The following MME variants were observed in gnomAD, a reference collection of about 807,000 sequenced individuals.
The protein encoded by MME is neprilysin.
MME carries 98 observed loss-of-function variants against 113.2 expected under a neutral mutation model. That is an observed-to-expected ratio of 0.87 (90% confidence interval 0.74 to 1.02). MME has a LOEUF of 1.02. Ranked by LOEUF, MME falls within the 50% of genes least tolerant of loss-of-function variation. The pLI, the probability that MME is intolerant of heterozygous loss-of-function variation, is 0.00. For synonymous variants in MME, 292 were observed against 300.6 expected, an observed-to-expected ratio of 0.97 and a Z score of 0.30; for missense variants, 836 against 896.0, an observed-to-expected ratio of 0.93 and a Z score of 0.86.
intron 3 of MME, among the ~76,000 whole-genome samples, chr3:155,097,581 T>C (rs1008220693): frequency 6.6e-6 from 1 of 152,078 alleles, no homozygotes; most frequent in Non-Finnish European, 1.5e-5. Flanking sequence ...TAAAAGAGGA[T>C]GTATATCCAG....
intron 3 of MME, among the ~76,000 whole-genome samples, chr3:155,086,080 G>A: frequency 6.6e-6 from 1 of 152,174 alleles, no homozygotes; most frequent in East Asian, 1.9e-4. Flanking sequence ...CGAATGTGAG[G>A]TTGACTGGAT....
Position 155,143,234 on chromosome 3 carries a change from T to C in MME, c.1189-209T>C, listed in dbSNP as rs1409642447. Among the ~76,000 whole-genome samples the C allele has an allele frequency of 2.0e-5, 3 of 152,184 alleles. No individual in the cohort carries two copies. The South Asian group carries it at 6.2e-4, about 31-fold the overall frequency. ...AATAGCAAAAAGTTCTACTGGGGCA[T>C]CTACTGAAAATATGCCTAGTTTTCA... On this transcript the variant is annotated intron_variant, in intron 12 of 22. Transcript: ENST00000360490.
intron 1 of MME, among the ~76,000 whole-genome samples, chr3:155,049,230 A>G (rs1270231429): frequency 6.6e-6 from 1 of 152,156 alleles, no homozygotes; most frequent in Non-Finnish European, 1.5e-5. Flanking sequence ...AGATGTATTT[A>G]AGATAATAAT....
rs200253531 is a variant in MME, at chr3:155,114,997, C to G, written c.200C>G (p.Ala67Gly). 3 of 1,613,888 alleles carry G rather than the reference C, an allele frequency of 1.9e-6. No homozygotes were observed. The highest frequency in any genetic ancestry group is 1.3e-5 in the African/African-American group (1 of 74,880). The change falls in exon 4 of 23, where the codon GCT becomes GGT. Residue 67 changes from alanine (A) to glycine (G), a missense_variant. By Grantham distance (60) the Ala-to-Gly change is moderately conservative (BLOSUM62 0). Coordinates refer to ENST00000360490, the MANE Select transcript of MME (RefSeq NM_007289.4). ...AGTGTTTTCTCTGCTCTTGCAGCTG[C>G]TCGACTGATCCAAAACATGGATGCC... ...CKSSDCIKSA[A>G]RLIQNMDATT...
intron 3 of MME, among the ~76,000 whole-genome samples, chr3:155,091,726 T>G (rs1180190033): frequency 5.3e-5 from 8 of 152,174 alleles, no homozygotes; most frequent in Admixed American, 5.2e-4. Flanking sequence ...ACAGATTAAT[T>G]GAAGGAAATT....
intron 4 of MME, 80 bp downstream of exon 4, chr3:155,115,235 A>G: frequency 2.6e-6 from 4 of 1,525,922 alleles, no homozygotes; most frequent in Admixed American, 1.7e-5. Flanking sequence ...GTTAGCCATT[A>G]CAAGGAATGT....
At chr3:155,119,022 T>C (rs1260089302) in intron 8 of MME, among the ~76,000 whole-genome samples, 1 of 152,238 alleles carries the variant, frequency 6.6e-6, no homozygotes, top group Non-Finnish European at 1.5e-5. Context: ...ACTAGGAAAC[T>C]TGAAATTCCT....
intron 1 of MME, among the ~76,000 whole-genome samples, chr3:155,063,668 A>T (rs9758645): frequency 2.7e-5 from 3 of 111,392 alleles, no homozygotes; most frequent in Admixed American, 1.2e-4. Flanking sequence ...ATAACATATT[A>T]TATATTATAT....
chr3:155,168,199 C>T (rs1329536701), intron 18 of MME, among the ~76,000 whole-genome samples: 4 of 152,142 alleles, frequency 2.6e-5, no homozygotes, highest in African/African-American at 4.8e-5. Context: ...AAAAACCATT[C>T]AACAGAACAA....
intron 17 of MME, among the ~76,000 whole-genome samples, chr3:155,164,054 G>A (rs1035527537): frequency 4.6e-5 from 7 of 151,586 alleles, no homozygotes; most frequent in Non-Finnish European, 1.0e-4. Flanking sequence ...TGAGGTGGGA[G>A]GATTTCCTGA....
chr3:155,141,182 CA>C (rs1367476085), intron 10 of MME, among the ~76,000 whole-genome samples: 2 of 152,234 alleles, frequency 1.3e-5, no homozygotes, highest in East Asian at 3.9e-4. Flanking sequence ...AGGACTTTTC[CA>C]AAGGCATAAA....
In MME at chr3:155,116,908, T is replaced by A. The variant is rs1256021451; in HGVS notation, c.576T>A (p.Asn192Lys). Residue 192 changes from asparagine to lysine, a missense_variant, in exon 7 of 23, where the codon AAT (asparagine) becomes AAA (lysine). Physicochemically the swap from Asn to Lys is moderately conservative, Grantham distance 94 (BLOSUM62 0). Transcript: ENST00000360490. ...CTGAAAAAGCTATTGCACAACTGAA[T>A]TCTAAATATGGGAAAAAAGTCCTTA... ...WTAEKAIAQL[N>K]SKYGKKVLIN... 1.2e-6 allele frequency: 2 copies of A among 1,612,544 alleles called. No individual in the cohort carries two copies. The highest frequency in any genetic ancestry group is 2.7e-5 in the African/African-American group (2 of 74,894).
At chr3:155,090,617 G>C (rs62279987) in intron 3 of MME, 4 of 151,974 alleles carry the variant, frequency 2.6e-5, no homozygotes, top group African/African-American at 7.3e-5. Flanking sequence ...AATGGAGAAG[G>C]CTCCTTCGTG....
intron 1 of MME, among the ~76,000 whole-genome samples, chr3:155,048,093 A>C (rs113743105): frequency 6.6e-6 from 1 of 152,186 alleles, no homozygotes; most frequent in Non-Finnish European, 1.5e-5. Flanking sequence ...GCTCCGTCCC[A>C]TTTTGAAACC....
upstream of MME, among the ~76,000 whole-genome samples, chr3:155,077,265 G>T (rs1714778812): frequency 6.6e-6 from 1 of 152,132 alleles, no homozygotes; most frequent in Non-Finnish European, 1.5e-5. Context: ...AAGCATTTGT[G>T]TCACACACAG....
At chr3:155,061,470 AG>A (rs1714145091) in intron 1 of MME, among the ~76,000 whole-genome samples, 1 of 150,238 alleles carries the variant, frequency 6.7e-6, no homozygotes, top group African/African-American at 2.4e-5. Context: ...AAAAAAAAAA[AG>A]GTATCAAGCA....
chr3:155,141,136 C>T (rs1488108558), intron 10 of MME, among the ~76,000 whole-genome samples: 2 of 152,162 alleles, frequency 1.3e-5, no homozygotes, highest in African/African-American at 2.4e-5. Context: ...CCACATTCAG[C>T]GATGACATTC....
intron 15 of MME, among the ~76,000 whole-genome samples, chr3:155,147,574 C>T (rs1002048920): frequency 6.6e-5 from 10 of 152,124 alleles, no homozygotes; most frequent in Non-Finnish European, 5.9e-5. Context: ...TTCCCTCCAC[C>T]TTCTAAGTTT....
chr3:155,077,729 C>T (rs558011324), upstream of MME, among the ~76,000 whole-genome samples: 1 of 151,110 alleles, frequency 6.6e-6, no homozygotes, highest in Admixed American at 6.6e-5. Context: ...AAACGAACAA[C>T]AGCAACAACA....
Sources: allele counts gnomAD v4.1 joint callset (sites outside exome capture counted in the v4.1 genomes callset), GRCh38; gene constraint gnomAD v4.1.1; transcripts MANE v1.5; gene names NCBI Gene and HGNC (gene_info 2026-07-23, HGNC 2026-07-21).